Variants in RAB28 observed in about 807,000 individuals in gnomAD.
The protein encoded by RAB28 is RAB28, member RAS oncogene family, also known as ras-related protein Rab-28.
A neutral mutation model predicts 31.7 loss-of-function variants in RAB28; 24 were observed. The ratio of observed to expected loss-of-function variants is 0.76; its 90% CI spans 0.55 to 1.06. The LOEUF (loss-of-function observed/expected upper bound fraction) is 1.06, where lower values mean the gene tolerates loss of function less well. RAB28 is among the 50% of genes least tolerant of loss of function. The pLI is 0.00. For missense variants in RAB28, 254 were observed against 258.5 expected, an observed-to-expected ratio of 0.98 and a Z score of 0.12; for synonymous variants, 100 against 90.4, an observed-to-expected ratio of 1.11 and a Z score of -0.60.
chr4:13,453,486 T>G (rs147962348), intron 4 of RAB28, among the ~76,000 whole-genome samples: 39 of 152,296 alleles, frequency 2.6e-4, no homozygotes, highest in Middle Eastern at 3.4e-3. Context: ...GTTACTGTCT[T>G]TGAACTTCCA....
chr4:13,404,945 G>C (rs1433692694), intron 4 of RAB28, among the ~76,000 whole-genome samples: 1 of 109,170 alleles, frequency 9.2e-6, no homozygotes, highest in South Asian at 2.8e-4. Flanking sequence ...TTTTTTTTTT[G>C]GTTATTCCCA....
rs772490619 is a variant in RAB28, at chr4:13,395,974, T to C, written c.392-14380A>G. On this transcript the variant is annotated intron_variant, in intron 4 of 6. Transcript: ENST00000330852. The stretch of plus-strand genomic sequence containing the variant: ...CCATGTATTTTAAAAAGGGAATATA[T>C]TATCAATTAATTGTATTATTAATGT... Among the ~76,000 whole-genome samples the C allele has an allele frequency of 9.9e-5, 15 of 152,190 alleles. No homozygotes were observed. In the East Asian group the frequency reaches 2.9e-3, roughly 29 times the overall value.
chr4:13,483,852 G>C (rs576295230), intron 1 of RAB28, among the ~76,000 whole-genome samples: 36 of 152,346 alleles, frequency 2.4e-4, no homozygotes, highest in African/African-American at 7.9e-4. Context: ...CAATCCAGGC[G>C]GGGAGTTAGG....
At chr4:13,430,236 A>G (rs536802329) in intron 4 of RAB28, among the ~76,000 whole-genome samples, 3 of 152,306 alleles carry the variant, frequency 2.0e-5, no homozygotes, top group African/African-American at 7.2e-5. Context: ...ATCTAGGGAC[A>G]TCGGATGTCA....
At chr4:13,376,515 T>G (rs777607315) in intron 6 of RAB28, 30 bp downstream of exon 6, 3 of 1,509,374 alleles carry the variant, frequency 2.0e-6, no homozygotes, top group Non-Finnish European at 2.7e-6. Context: ...AATTCATTAA[T>G]TTTTTAAATA....
At chr4:13,409,673 G>A (rs1456060505) in intron 4 of RAB28, among the ~76,000 whole-genome samples, 2 of 152,150 alleles carry the variant, frequency 1.3e-5, no homozygotes, top group African/African-American at 2.4e-5. Context: ...TGTTACTTAG[G>A]ACTGACCCTC....
intron 4 of RAB28, among the ~76,000 whole-genome samples, chr4:13,391,551 C>T (rs1456948586): frequency 6.6e-6 from 1 of 152,214 alleles, no homozygotes; most frequent in Non-Finnish European, 1.5e-5. Flanking sequence ...GATCCCACTA[C>T]TGGCTATATA....
intron 4 of RAB28, among the ~76,000 whole-genome samples, chr4:13,440,366 C>T (rs1714352877): frequency 6.6e-6 from 1 of 151,930 alleles, no homozygotes; most frequent in Non-Finnish European, 1.5e-5. Context: ...GAGGAGGCAC[C>T]ATTTACTTTT....
chr4:13,387,346 T>C (rs759981992), intron 4 of RAB28, among the ~76,000 whole-genome samples: 5 of 152,084 alleles, frequency 3.3e-5, no homozygotes, highest in African/African-American at 7.2e-5. Flanking sequence ...TGTAATCAAA[T>C]AGTCATAAAA....
intron 4 of RAB28, among the ~76,000 whole-genome samples, chr4:13,427,696 C>T (rs1713582383): frequency 6.6e-6 from 1 of 152,060 alleles, no homozygotes. Flanking sequence ...CAAATAAGAA[C>T]CAGGAAGCTG....
intron 3 of RAB28, among the ~76,000 whole-genome samples, chr4:13,466,075 T>C (rs979975511): frequency 2.0e-5 from 3 of 151,900 alleles, no homozygotes; most frequent in African/African-American, 7.2e-5. Context: ...CAACTCGAAA[T>C]TGATTAACAA....
intron 4 of RAB28, among the ~76,000 whole-genome samples, chr4:13,445,676 C>A (rs1175431758): frequency 6.6e-6 from 1 of 152,210 alleles, no homozygotes; most frequent in African/African-American, 2.4e-5. Flanking sequence ...CTGGGTATCA[C>A]CAGTGGAGGC....
At chr4:13,467,888 C>A (rs1715937192) in intron 3 of RAB28, among the ~76,000 whole-genome samples, 2 of 151,694 alleles carry the variant, frequency 1.3e-5, no homozygotes, top group East Asian at 1.9e-4. Context: ...GGAAAACTGA[C>A]CTTACATATA....
At position 13,384,972 on chromosome 4, in the gene RAB28, G is replaced by A. The variant is rs116104018; in HGVS notation, c.392-3378C>T. 3.3e-3 allele frequency among the ~76,000 whole-genome samples: 503 copies of A among 152,242 alleles called. 2 individuals are homozygous for A. The highest frequency in any genetic ancestry group is 0.012 in the African/African-American group (478 of 41,536). ...TCCAAGGAAGATCCAAATGATACAGGAGCTGACAGACAAAACAGCCAGTAC... is the reference window on the plus strand; with the variant it reads ...TCCAAGGAAGATCCAAATGATACAGAAGCTGACAGACAAAACAGCCAGTAC... On this transcript the variant is annotated intron_variant, in intron 4 of 6. Coordinates refer to ENST00000330852, the MANE Select transcript of RAB28 (RefSeq NM_001017979.3).
chr4:13,458,207 T>C (rs1246385124), intron 4 of RAB28, among the ~76,000 whole-genome samples: 1 of 152,178 alleles, frequency 6.6e-6, no homozygotes, highest in African/African-American at 2.4e-5. Flanking sequence ...CATTTTATGA[T>C]ATGTAATACC....
intron 1 of RAB28, among the ~76,000 whole-genome samples, chr4:13,483,725 G>A (rs1044898147): frequency 2.6e-5 from 4 of 152,194 alleles, no homozygotes; most frequent in African/African-American, 9.7e-5. Context: ...GGGGTGGGAG[G>A]GGAGGAGTAA....
At position 13,371,871 on chromosome 4, in the gene RAB28, A is replaced by G. The variant is rs374358500; in HGVS notation, c.574-3221T>C. 6.5e-6 allele frequency: 10 copies of G among 1,536,218 alleles called. No homozygotes were observed. In the African/African-American group the frequency reaches 1.1e-4, roughly 17 times the overall value. The stretch of plus-strand genomic sequence containing the variant: ...AAATGAAAATAATGAAATGGCCCTA[A>G]GAGGAAAAGAGTTATATGGGTGAAT... On this transcript the variant is annotated intron_variant, in intron 6 of 6. Transcript: ENST00000330852.
chr4:13,391,446 C>T (rs778629210), intron 4 of RAB28, among the ~76,000 whole-genome samples: 5 of 152,168 alleles, frequency 3.3e-5, no homozygotes, highest in Admixed American at 1.3e-4. Context: ...AACGCTTTTA[C>T]GCTGTTGGTG....
At chr4:13,379,478 G>T (rs1246218847) in intron 5 of RAB28, among the ~76,000 whole-genome samples, 1 of 152,120 alleles carries the variant, frequency 6.6e-6, no homozygotes, top group East Asian at 1.9e-4. Flanking sequence ...GAGAGTATAT[G>T]CATGGCAATG....
Sources: allele counts gnomAD v4.1 joint callset (sites outside exome capture counted in the v4.1 genomes callset), GRCh38; gene constraint gnomAD v4.1.1; transcripts MANE v1.5; gene names NCBI Gene and HGNC (gene_info 2026-07-23, HGNC 2026-07-21).